PDE10A: variants seen among roughly 807,000 people sequenced by gnomAD.
PDE10A encodes phosphodiesterase 10A, also known as cAMP and cAMP-inhibited cGMP 3',5'-cyclic phosphodiesterase 10A.
Under a neutral mutation model 97.7 loss-of-function variants are expected in PDE10A, and 39 were observed. The ratio of observed to expected loss-of-function variants is 0.40; its 90% confidence interval spans 0.31 to 0.52. The LOEUF (loss-of-function observed/expected upper bound fraction) is 0.52. Ranked by LOEUF, PDE10A falls within the 20% of genes least tolerant of loss-of-function variation. The pLI is 0.56. For synonymous variants in PDE10A, 371 were observed against 376.8 expected, an observed-to-expected ratio of 0.98 and a Z score of 0.18; for missense variants, 731 against 1,047.8, an observed-to-expected ratio of 0.70 and a Z score of 4.17.
In PDE10A at chr6:165,331,116, G is replaced by GTC. The variant is rs1781313861; in HGVS notation, c.*1908_*1909insGA. On this transcript the variant is annotated 3_prime_UTR_variant, in exon 22 of 22. Transcript: ENST00000539869. ...CTTTCCTTCTGTCTCTCGTGTGTGT[G>GTC]TATGTGTATGTATCATATATACACA... 6.6e-6 allele frequency: 1 copy of GTC among 152,140 alleles called. No individual in the cohort carries two copies. The highest frequency in any genetic ancestry group is 2.4e-5 in the African/African-American group (1 of 41,522). The allele number at this position is 152,140 out of a possible 1,614,324, so 9.4% of individuals were successfully genotyped here. A position where few individuals can be genotyped will look rare whatever the true frequency, so the allele number is the denominator to read the frequency against.
At chr6:165,459,973 C>T (rs1778223672) in intron 3 of PDE10A, among the ~76,000 whole-genome samples, 2 of 152,210 alleles carry the variant, frequency 1.3e-5, no homozygotes, top group Admixed American at 6.5e-5. Flanking sequence ...CAATGGGCTA[C>T]TCAGTGTCAC....
chr6:165,617,972 T>A (rs916332623), intron 1 of PDE10A, among the ~76,000 whole-genome samples: 3 of 152,114 alleles, frequency 2.0e-5, no homozygotes, highest in Admixed American at 6.5e-5. Flanking sequence ...ACTCCTGTAA[T>A]CCCAGCTTAA....
At chr6:165,761,568 T>C (rs1286784699) in intron 1 of PDE10A, among the ~76,000 whole-genome samples, 1 of 152,172 alleles carries the variant, frequency 6.6e-6, no homozygotes, top group African/African-American at 2.4e-5. Flanking sequence ...ATGATCAACG[T>C]GAAGTTAAGA....
chr6:165,637,370 C>T (rs540468595), intron 1 of PDE10A, among the ~76,000 whole-genome samples: 1 of 152,274 alleles, frequency 6.6e-6, no homozygotes, highest in African/African-American at 2.4e-5. Flanking sequence ...CATGTCCTGC[C>T]AGAAAAGCCA....
At chr6:165,621,001 T>C (rs972774969) in intron 1 of PDE10A, among the ~76,000 whole-genome samples, 5 of 139,012 alleles carry the variant, frequency 3.6e-5, no homozygotes, top group Non-Finnish European at 6.1e-5. Context: ...AGCCTGGCAA[T>C]GGAGCAAGAC....
In PDE10A at chr6:165,862,781, C is replaced by T. The variant is rs59414798; in HGVS notation, c.-615+124748G>A. Among the ~76,000 whole-genome samples the T allele has an allele frequency of 1.3e-3, 193 of 151,770 alleles. 1 individual carries two copies. Among genetic ancestry groups the T allele is most frequent in the African/African-American group, 4.5e-3 (184 of 41,332 alleles). On this transcript the variant is annotated intron_variant, in intron 1 of 19. Coordinates refer to the PDE10A transcript ENST00000366882. ...GCAACCTCCTCCTCCCAGGTTCAAG[C>T]AATTCTCCTGCCTCAGCCTCCCAAG...
At chr6:165,606,744 A>G (rs78294330) in intron 1 of PDE10A, among the ~76,000 whole-genome samples, 3,083 of 152,252 alleles carry the variant, frequency 0.02, 101 homozygotes, top group African/African-American at 0.067. Flanking sequence ...AGGTCAACAG[A>G]TAAAACAGTA....
At chr6:165,689,438 G>A (rs1290741572) in intron 1 of PDE10A, among the ~76,000 whole-genome samples, 1 of 152,176 alleles carries the variant, frequency 6.6e-6, no homozygotes, top group Non-Finnish European at 1.5e-5. Flanking sequence ...ATCTCATGAG[G>A]AAATGTGATC....
At chr6:165,804,690 G>T (rs547043103) in intron 1 of PDE10A, among the ~76,000 whole-genome samples, 1 of 152,136 alleles carries the variant, frequency 6.6e-6, no homozygotes, top group Admixed American at 6.5e-5. Context: ...GGTCGCGAAG[G>T]GGAAGAGCAG....
intron 2 of PDE10A, among the ~76,000 whole-genome samples, chr6:165,501,371 C>T (rs1780871691): frequency 6.6e-6 from 1 of 152,118 alleles, no homozygotes; most frequent in Non-Finnish European, 1.5e-5. Context: ...ACCATCCTGG[C>T]TAACACGGTG....
At chr6:165,593,829 G>A (rs115450846) in intron 1 of PDE10A, among the ~76,000 whole-genome samples, 1,527 of 152,206 alleles carry the variant, frequency 0.01, 35 homozygotes, top group African/African-American at 0.035. Flanking sequence ...TCAAAATTCC[G>A]AAGACTGAAA....
chr6:165,808,241 G>A (rs139115269), intron 1 of PDE10A, among the ~76,000 whole-genome samples: 2 of 152,354 alleles, frequency 1.3e-5, no homozygotes, highest in Non-Finnish European at 2.9e-5. Context: ...GACACAGCTT[G>A]TGAGCATGTG....
At chr6:165,731,139 G>A (rs557056106) in intron 1 of PDE10A, among the ~76,000 whole-genome samples, 2 of 152,308 alleles carry the variant, frequency 1.3e-5, no homozygotes, top group South Asian at 2.1e-4. Context: ...AACTGCCGGA[G>A]CTCCCTGTCC....
intron 18 of PDE10A, among the ~76,000 whole-genome samples, chr6:165,351,943 T>A (rs992256864): frequency 6.6e-6 from 1 of 152,140 alleles, no homozygotes; most frequent in Non-Finnish European, 1.5e-5. Context: ...AACCTCTGCC[T>A]CCCAGGTTCA....
intron 1 of PDE10A, among the ~76,000 whole-genome samples, chr6:165,732,642 C>A (rs1792467468): frequency 1.3e-5 from 2 of 152,238 alleles, no homozygotes; most frequent in African/African-American, 4.8e-5. Context: ...TGAAGTTACA[C>A]TCCTCACACT....
At chr6:165,972,073 C>T (rs1056336609) in intron 1 of PDE10A, among the ~76,000 whole-genome samples, 1 of 152,068 alleles carries the variant, frequency 6.6e-6, no homozygotes, top group Non-Finnish European at 1.5e-5. Flanking sequence ...CACGCTGTAA[C>T]AAAGGAAGCC....
intron 1 of PDE10A, among the ~76,000 whole-genome samples, chr6:165,826,360 C>T (rs1449164250): frequency 1.5e-5 from 2 of 132,396 alleles, no homozygotes; most frequent in Non-Finnish European, 3.6e-5. Flanking sequence ...CCCCGTGTCC[C>T]TCTGTCCTTG....
Position 165,661,932 on chromosome 6 carries a change from G to A in PDE10A, c.865+15C>T. 2.2e-6 allele frequency: 2 copies of A among 907,280 alleles called. No individual in the cohort carries two copies. The highest frequency in any genetic ancestry group is 1.8e-6 in the Non-Finnish European group (1 of 566,326). 56.2% of individuals were successfully genotyped at this position (907,280 alleles called of 1,614,324 possible). On this transcript the variant is annotated intron_variant, in intron 1 of 21. Coordinates refer to ENST00000539869, the MANE Select transcript of PDE10A (RefSeq NM_001385079.1). This position sits in a 1 kb window ranked among gnomAD's most constrained non-coding sequence, Gnocchi z 4.8. Reference sequence around the variant, plus strand: ...AGCCGCCCCACCTCCGGGGAACGGGGAGCAGGCCACTTACTGGGGCTCAGG... The same window carrying A: ...AGCCGCCCCACCTCCGGGGAACGGGAAGCAGGCCACTTACTGGGGCTCAGG...
intron 1 of PDE10A, among the ~76,000 whole-genome samples, chr6:165,587,451 G>A (rs906040244): frequency 6.6e-6 from 1 of 152,140 alleles, no homozygotes; most frequent in African/African-American, 2.4e-5. Flanking sequence ...ATGGGGGTAA[G>A]TTATTTTTGC....
Sources: allele counts gnomAD v4.1 joint callset (sites outside exome capture counted in the v4.1 genomes callset), GRCh38; gene constraint gnomAD v4.1.1; non-coding constraint Gnocchi (gnomAD v3.1); transcripts MANE v1.5; gene names NCBI Gene and HGNC (gene_info 2026-07-23, HGNC 2026-07-21).